Variants in CPNE8 observed in about 807,000 individuals in gnomAD.
CPNE8 encodes copine 8, also known as copine-8.
A neutral mutation model predicts 81.5 loss-of-function variants in CPNE8; 45 were observed. That is an observed-to-expected ratio of 0.55 (90% CI 0.44 to 0.71). The LOEUF is 0.71. CPNE8 is among the 30% of genes least tolerant of loss of function. The pLI is 0.00. For missense variants in CPNE8, 594 were observed against 672.1 expected, an observed-to-expected ratio of 0.88 and a Z score of 1.28; for synonymous variants, 252 against 226.3, an observed-to-expected ratio of 1.11 and a Z score of -1.02.
intron 4 of CPNE8, among the ~76,000 whole-genome samples, chr12:38,841,414 G>A (rs1943466253): frequency 6.6e-6 from 1 of 152,156 alleles, no homozygotes; most frequent in South Asian, 2.1e-4. Context: ...GAATACAGGA[G>A]ACACAGGAGA....
At chr12:38,746,523 TA>T (rs1376398639) in intron 10 of CPNE8, among the ~76,000 whole-genome samples, 1 of 152,226 alleles carries the variant, frequency 6.6e-6, no homozygotes, top group Non-Finnish European at 1.5e-5. Context: ...GTTGAACGAC[TA>T]AATATCATTT....
intron 1 of CPNE8, among the ~76,000 whole-genome samples, chr12:38,876,214 G>C (rs912317890): frequency 3.3e-5 from 5 of 152,026 alleles, no homozygotes; most frequent in African/African-American, 1.2e-4. Context: ...TAGGACAGAT[G>C]AGTATTCTTT....
Position 38,653,814 on chromosome 12 carries a change from A to G in CPNE8, c.*68T>C. On this transcript the variant is annotated 3_prime_UTR_variant, in exon 20 of 20. Transcript: ENST00000331366. ...TATCTCATTGCCTGGTTCATTACAGAGCACCAGGCACAAAGCATTAACTCA... is the reference window on the plus strand; with the variant it reads ...TATCTCATTGCCTGGTTCATTACAGGGCACCAGGCACAAAGCATTAACTCA... 2 of 1,548,204 alleles carry G rather than the reference A, an allele frequency of 1.3e-6. No homozygotes were observed. Among genetic ancestry groups the G allele is most frequent in the Non-Finnish European group, 1.7e-6 (2 of 1,154,592 alleles).
intron 6 of CPNE8, among the ~76,000 whole-genome samples, chr12:38,782,694 T>G (rs891053924): frequency 6.6e-6 from 1 of 152,078 alleles, no homozygotes; most frequent in Non-Finnish European, 1.5e-5. Context: ...TTTTGTTTTT[T>G]TTTTGAGACA....
In CPNE8 at chr12:38,822,744, T is replaced by C. The variant is rs369627095; in HGVS notation, c.407+6635A>G. ...TATTTAGCTCTACAGCAAATTCTTA[T>C]TACAAATGTGACCCATAGACATAAA... On this transcript the variant is annotated intron_variant, in intron 6 of 19. Transcript: ENST00000331366. Among the ~76,000 whole-genome samples, 126 of 152,126 alleles carry C rather than the reference T, an allele frequency of 8.3e-4. No homozygotes were observed. The East Asian group carries it at 8.9e-3, about 11-fold the overall frequency.
chr12:38,808,432 T>G (rs1176860791), intron 6 of CPNE8, among the ~76,000 whole-genome samples: 1 of 151,778 alleles, frequency 6.6e-6, no homozygotes, highest in East Asian at 1.9e-4. Flanking sequence ...CCATAAAAAA[T>G]GATGAGTTCA....
chr12:38,702,816 A>AAATTTATATTTTCATAAGTGTT, intron 14 of CPNE8, 59 bp downstream of exon 14: 1 of 1,012,826 alleles, frequency 9.9e-7, no homozygotes, highest in Non-Finnish European at 1.5e-6. Flanking sequence ...ATGAAAATAT[A>AAATTTATATTTTCATAAGTGTT]AATTTATTTT....
At chr12:38,854,908 T>C (rs979224067) in intron 3 of CPNE8, among the ~76,000 whole-genome samples, 2 of 151,984 alleles carry the variant, frequency 1.3e-5, no homozygotes, top group Non-Finnish European at 2.9e-5. Flanking sequence ...CCAGAGCAGT[T>C]AGACAAGAAA....
intron 18 of CPNE8, among the ~76,000 whole-genome samples, chr12:38,672,933 G>T (rs1431612555): frequency 2.0e-5 from 3 of 150,692 alleles, no homozygotes; most frequent in Non-Finnish European, 3.0e-5. Flanking sequence ...TATGTGGTTA[G>T]CTGATGAAAT....
intron 6 of CPNE8, among the ~76,000 whole-genome samples, chr12:38,800,029 G>C (rs1197111501): frequency 7.5e-6 from 1 of 132,472 alleles, no homozygotes; most frequent in African/African-American, 2.6e-5. Context: ...CTCGCTGATT[G>C]CTAGCACAGC....
chr12:38,709,204 T>C (rs1940186651), intron 13 of CPNE8, among the ~76,000 whole-genome samples: 2 of 152,198 alleles, frequency 1.3e-5, no homozygotes, highest in South Asian at 4.1e-4. Flanking sequence ...GCCTCAAACA[T>C]TGTCATCCAA....
At chr12:38,707,536 C>T (rs549480883) in intron 13 of CPNE8, among the ~76,000 whole-genome samples, 3 of 152,182 alleles carry the variant, frequency 2.0e-5, no homozygotes, top group African/African-American at 4.8e-5. Flanking sequence ...AAACCCAGGA[C>T]ACTCTAAGCC....
chr12:38,886,792 A>G (rs1410586071), intron 1 of CPNE8, among the ~76,000 whole-genome samples: 2 of 152,206 alleles, frequency 1.3e-5, no homozygotes, highest in South Asian at 2.1e-4. Context: ...TGGAAGGAAT[A>G]TATAATAGGA....
chr12:38,727,822 G>A (rs1158275735), intron 11 of CPNE8, among the ~76,000 whole-genome samples: 1 of 152,260 alleles, frequency 6.6e-6, no homozygotes, highest in East Asian at 1.9e-4. Context: ...GCCCTTTGAA[G>A]GGGTGTACAC....
chr12:38,718,676 T>A (rs933663213), intron 13 of CPNE8, among the ~76,000 whole-genome samples: 10 of 152,160 alleles, frequency 6.6e-5, no homozygotes, highest in African/African-American at 2.4e-4. Context: ...TTAAATCCAA[T>A]AACATTATTT....
intron 6 of CPNE8, among the ~76,000 whole-genome samples, chr12:38,808,355 A>G (rs1006695524): frequency 7.9e-5 from 12 of 152,146 alleles, no homozygotes; most frequent in Admixed American, 2.6e-4. Context: ...GGAACAACCC[A>G]AATGTCCAAC....
chr12:38,783,142 T>C lies in CPNE8; in HGVS notation c.408-6841A>G, dbSNP rs78276103. Among the ~76,000 whole-genome samples the C allele has an allele frequency of 3.3e-5, 5 of 152,256 alleles. No individual in the cohort carries two copies. In the South Asian group the frequency reaches 1.0e-3, roughly 32 times the overall value. The stretch of plus-strand genomic sequence containing the variant: ...ACAGTTAAACATGATCTCAAGAGAT[T>C]ATTAGAGATGAGTAATCCTTCACAA... On this transcript the variant is annotated intron_variant, in intron 6 of 19. Coordinates refer to ENST00000331366, the MANE Select transcript of CPNE8 (RefSeq NM_153634.3).
intron 1 of CPNE8, among the ~76,000 whole-genome samples, chr12:38,878,619 T>C (rs1020949915): frequency 6.6e-6 from 1 of 152,214 alleles, no homozygotes; most frequent in African/African-American, 2.4e-5. Context: ...GTAGCCAATA[T>C]GAATATCACA....
intron 6 of CPNE8, among the ~76,000 whole-genome samples, chr12:38,817,247 A>G (rs1262525754): frequency 6.6e-6 from 1 of 152,252 alleles, no homozygotes; most frequent in Non-Finnish European, 1.5e-5. Flanking sequence ...GTCAATTCAA[A>G]ACAATGATTT....
Sources: gnomAD v4.1 joint callset for allele counts (sites outside exome capture counted in the v4.1 genomes callset) on GRCh38, gnomAD v4.1.1 for gene constraint, MANE v1.5 for transcripts, NCBI Gene and HGNC (gene_info 2026-07-23, HGNC 2026-07-21) for gene names.